The following UHMK1 variants were observed in gnomAD, a reference collection of about 807,000 sequenced individuals.
UHMK1 encodes the protein serine/threonine-protein kinase Kist.
A neutral mutation model predicts 44.0 loss-of-function variants in UHMK1; 18 were observed. The ratio of observed to expected loss-of-function variants is 0.41; its 90% CI spans 0.28 to 0.61. The LOEUF (loss-of-function observed/expected upper bound fraction) is 0.61, where lower values mean the gene tolerates loss of function less well. UHMK1 is among the 20% of genes least tolerant of loss of function. The pLI, the probability that UHMK1 is intolerant of heterozygous loss-of-function variation, is 0.31. For synonymous variants in UHMK1, 231 were observed against 198.5 expected (o/e 1.16, Z -1.38); for missense variants, 463 against 522.5 (o/e 0.89, Z 1.11).
intron 7 of UHMK1, 52 bp downstream of exon 7, chr1:162,518,242 G>C (rs748563774): frequency 7.3e-7 from 1 of 1,375,402 alleles, no homozygotes; most frequent in Non-Finnish European, 1.0e-6. Flanking sequence ...TTAAAATTCT[G>C]TGTTAAATGT....
chr1:162,501,191 A>T (rs1009771906), intron 3 of UHMK1, 87 bp downstream of exon 3: 2 of 1,326,650 alleles, frequency 1.5e-6, no homozygotes, highest in Non-Finnish European at 2.0e-6. Context: ...TTCTTTTGAG[A>T]TGGAGTTTCA....
At chr1:162,520,574 G>T (rs1166008266) in intron 7 of UHMK1, among the ~76,000 whole-genome samples, 2 of 152,130 alleles carry the variant, frequency 1.3e-5, no homozygotes, top group South Asian at 4.1e-4. Context: ...ATCTGAGAAG[G>T]TCATATGAAT....
intron 4 of UHMK1, among the ~76,000 whole-genome samples, chr1:162,511,728 C>T (rs1557943950): frequency 6.6e-6 from 1 of 152,090 alleles, no homozygotes; most frequent in Non-Finnish European, 1.5e-5. Flanking sequence ...TTGGGTCTTA[C>T]ATTTAAATTG....
chr1:162,522,655 A>G lies in UHMK1; in HGVS notation c.*105A>G, dbSNP rs529399358. 13 of 1,270,116 alleles carry G rather than the reference A, an allele frequency of 1.0e-5. No individual in the cohort carries two copies. Among genetic ancestry groups the G allele is most frequent in the Non-Finnish European group, 1.4e-5 (13 of 922,844 alleles). 78.7% of individuals were successfully genotyped at this position (1,270,116 alleles called of 1,614,324 possible). On this transcript the variant is annotated 3_prime_UTR_variant, in exon 8 of 8. Transcript: ENST00000489294. ...TTACCATTTTAAGAAGGTACTTTATACATTTATTTAATCCTACTAATGTGC... is the reference window on the plus strand; with the variant it reads ...TTACCATTTTAAGAAGGTACTTTATGCATTTATTTAATCCTACTAATGTGC...
At chr1:162,512,172 CCCA>C (rs1452646935) in intron 4 of UHMK1, among the ~76,000 whole-genome samples, 3 of 149,874 alleles carry the variant, frequency 2.0e-5, no homozygotes, top group Non-Finnish European at 4.4e-5. Flanking sequence ...CAACAATCAT[CCCA>C]CCGATATCTT....
At position 162,498,224 on chromosome 1, in the gene UHMK1, AAG is replaced by A; in HGVS notation, c.229_230del (p.Arg77GlyfsTer35). ...TCTGCCGCCGAGTATGGTTTCCGCA[AAG>A]AGAGGGCGGCGCTGGAACAGTTGCA... On this transcript the variant is annotated frameshift_variant, in exon 1 of 8. Coordinates refer to ENST00000489294, the MANE Select transcript of UHMK1 (RefSeq NM_175866.5). LOFTEE classifies it high-confidence loss of function. 6.2e-7 allele frequency: 1 copy of A among 1,609,268 alleles called. No homozygotes were observed. Among genetic ancestry groups the A allele is most frequent in the Non-Finnish European group, 8.5e-7 (1 of 1,177,502 alleles).
chr1:162,505,435 T>A lies in UHMK1; in HGVS notation c.848+1587T>A, dbSNP rs556856496. On this transcript the variant is annotated intron_variant, in intron 4 of 7. Coordinates refer to ENST00000489294, the MANE Select transcript of UHMK1 (RefSeq NM_175866.5). ...GAATAAAAAAATATATAGTTATAAA[T>A]ACATAAGCCAGTAACACAGCTATGT... 5.3e-5 allele frequency among the ~76,000 whole-genome samples: 8 copies of A among 152,304 alleles called. No homozygotes were observed. The South Asian group carries it at 1.4e-3, about 28-fold the overall frequency.
Position 162,526,892 on chromosome 1 carries a change from C to A in UHMK1, c.*4342C>A, listed in dbSNP as rs1391669280. On this transcript the variant is annotated 3_prime_UTR_variant, in exon 8 of 8. Transcript: ENST00000489294. ...GTAGCTCTGTGATATAATTTCATTT[C>A]TTGTCAATTATGGTCACATATAGAC... 6.6e-6 allele frequency: 1 copy of A among 152,032 alleles called. No individual in the cohort carries two copies. Among genetic ancestry groups the A allele is most frequent in the Non-Finnish European group, 1.5e-5 (1 of 67,950 alleles). 9.4% of individuals were successfully genotyped at this position (152,032 alleles called of 1,614,324 possible). A position where few individuals can be genotyped will look rare whatever the true frequency, so the allele number is the denominator to read the frequency against.
In UHMK1 at chr1:162,527,490, T is replaced by C. The variant is rs1251202167; in HGVS notation, c.*4940T>C. 1 of 152,174 alleles carries C rather than the reference T, an allele frequency of 6.6e-6. No individual in the cohort carries two copies. Among genetic ancestry groups the C allele is most frequent in the African/African-American group, 2.4e-5 (1 of 41,464 alleles). 9.4% of individuals were successfully genotyped at this position (152,174 alleles called of 1,614,324 possible). A position where few individuals can be genotyped will look rare whatever the true frequency, so the allele number is the denominator to read the frequency against. ...ATAGTTTACACAAACTTTATTCTCC[T>C]GATAGGAAATTTTTATTCATTTTCC... On this transcript the variant is annotated 3_prime_UTR_variant, in exon 8 of 8. Coordinates refer to ENST00000489294, the MANE Select transcript of UHMK1 (RefSeq NM_175866.5).
chr1:162,501,127 T>G (rs1485949689), intron 3 of UHMK1, 23 bp downstream of exon 3: 2 of 1,606,312 alleles, frequency 1.2e-6, no homozygotes, highest in African/African-American at 1.3e-5. Flanking sequence ...AGTGCTTTGC[T>G]TTGGGGTCCT....
intron 4 of UHMK1, among the ~76,000 whole-genome samples, chr1:162,504,180 T>TC (rs1252228715): frequency 1.3e-5 from 2 of 151,880 alleles, no homozygotes; most frequent in Admixed American, 1.3e-4. Context: ...ACTACTCCCC[T>TC]CCCCCCAAAA....
chr1:162,521,236 TATTA>T, intron 7 of UHMK1, among the ~76,000 whole-genome samples: 1 of 152,342 alleles, frequency 6.6e-6, no homozygotes, highest in Non-Finnish European at 1.5e-5. Context: ...GATACAGCCC[TATTA>T]ATTTCATAAT....
Position 162,501,045 on chromosome 1 carries a change from T to A in UHMK1, c.694T>A (p.Leu232Ile). ...AVDLWSLGII[L>I]LEMFSGMKLK... ...TGATCTGTGGAGCCTAGGAATCATT[T>A]TACTGGAAATGTTCTCAGGAATGAA... Residue 232 changes from leucine to isoleucine, a missense_variant, in exon 3 of 8, where the codon TTA becomes ATA. By Grantham distance (5) the Leu-to-Ile change is conservative. This residue lies in a region of UHMK1 where 264 missense variants were observed against 326.3 expected (regional missense o/e 0.81). Transcript: ENST00000489294. The A allele has an allele frequency of 1.2e-6, 2 of 1,614,186 alleles. No homozygotes were observed. The highest frequency in any genetic ancestry group is 1.7e-6 in the Non-Finnish European group (2 of 1,180,022).
chr1:162,497,693 G>C, upstream of UHMK1: 1 of 889,416 alleles, frequency 1.1e-6, no homozygotes, highest in Non-Finnish European at 1.5e-6. Context: ...CAATAATTAA[G>C]GTTACTTCTT....
At chr1:162,506,358 A>G (rs1174800275) in intron 4 of UHMK1, among the ~76,000 whole-genome samples, 1 of 151,952 alleles carries the variant, frequency 6.6e-6, no homozygotes, top group Non-Finnish European at 1.5e-5. Context: ...ATTTTTCTGC[A>G]TATTGCATTA....
In UHMK1 at chr1:162,507,680, G is replaced by A. The variant is rs7533818; in HGVS notation, c.848+3832G>A. On this transcript the variant is annotated intron_variant, in intron 4 of 7. Transcript: ENST00000489294. ...CGGCTCACTGCAAGCTCCGCCTCCC[G>A]GGTTCACGCCATTCTCCTACCTCAG... 2.7e-3 allele frequency among the ~76,000 whole-genome samples: 390 copies of A among 146,838 alleles called. 3 individuals carry two copies. The highest frequency in any genetic ancestry group is 9.3e-3 in the African/African-American group (371 of 39,840).
In UHMK1 at chr1:162,504,576, A is replaced by G. The variant is rs145988142; in HGVS notation, c.848+728A>G. Among the ~76,000 whole-genome samples the G allele has an allele frequency of 3.2e-3, 480 of 152,334 alleles. 2 individuals are homozygous for G. The highest frequency in any genetic ancestry group is 0.014 in the Admixed American group (216 of 15,302). ...TTGTGTCTAAACATAGAAAAGATAC[A>G]GTAAAAATACAGTATAAAAGATTAA... is the stretch of plus-strand genomic sequence containing the variant. On this transcript the variant is annotated intron_variant, in intron 4 of 7. Transcript: ENST00000489294.
At chr1:162,497,761 T>G, upstream of UHMK1, 4 of 1,277,048 alleles carry the variant, frequency 3.1e-6, no homozygotes, top group Non-Finnish European at 4.0e-6. Flanking sequence ...CCCCGCCCCT[T>G]CTGAGCCCCC....
chr1:162,505,754 G>A (rs1651445835), intron 4 of UHMK1, among the ~76,000 whole-genome samples: 1 of 152,198 alleles, frequency 6.6e-6, no homozygotes, highest in South Asian at 2.1e-4. Context: ...TAATTAGTAT[G>A]CTAGAAAAGT....
Sources: gnomAD v4.1 joint callset for allele counts (sites outside exome capture counted in the v4.1 genomes callset) on GRCh38, gnomAD v4.1.1 for gene constraint, gnomAD v4.1.1 regional missense constraint, MANE v1.5 for transcripts, NCBI Gene and HGNC (gene_info 2026-07-23, HGNC 2026-07-21) for gene names.